The following PALD1 variants were observed in gnomAD, a reference collection of about 807,000 sequenced individuals.
The protein encoded by PALD1 is paladin.
In PALD1, 57 loss-of-function variants were observed where a neutral mutation model predicts 96.0. The observed-to-expected ratio is 0.59, with a 90% CI of 0.48 to 0.74. The LOEUF is 0.74. Ranked by LOEUF, PALD1 falls within the 30% of genes least tolerant of loss-of-function variation. The pLI, the probability that PALD1 is intolerant of heterozygous loss-of-function variation, is 0.00. For missense variants in PALD1, 1,063 were observed against 1,143.7 expected (o/e 0.93, Z 1.02); for synonymous variants, 464 against 473.6 (o/e 0.98, Z 0.26).
intron 1 of PALD1, among the ~76,000 whole-genome samples, chr10:70,497,806 A>G (rs908061287): frequency 6.6e-6 from 1 of 152,032 alleles, no homozygotes; most frequent in Admixed American, 6.6e-5. Flanking sequence ...TGATCTCCTG[A>G]CCTCGTGATC....
At chr10:70,468,531 A>G in the PALD1 span, among the ~76,000 whole-genome samples, 2 of 152,034 alleles carry the variant, frequency 1.3e-5, no homozygotes, top group African/African-American at 4.8e-5. Context: ...GGCTTGAGCT[A>G]CTGTGCCTGG....
chr10:70,530,133 G>A, intron 4 of PALD1, 65 bp downstream of exon 4: 1 of 1,389,838 alleles, frequency 7.2e-7, no homozygotes, highest in Non-Finnish European at 9.7e-7. Flanking sequence ...CACCTTGGAG[G>A]GGCAGCTTTA....
chr10:70,531,266 C>T lies in PALD1; in HGVS notation c.469-24C>T, dbSNP rs560010193. On this transcript the variant is annotated intron_variant, in intron 4 of 19. Transcript: ENST00000263563. Reference sequence around the variant, plus strand: ...CTGTGCGGGATCATGATGATGGCTTCCTTCCCCCTCGGGCTCCTGGCAGGA... The same window carrying T: ...CTGTGCGGGATCATGATGATGGCTTTCTTCCCCCTCGGGCTCCTGGCAGGA... 4.4e-6 allele frequency: 7 copies of T among 1,602,472 alleles called. No homozygotes were observed. The African/African-American group carries it at 9.4e-5, about 21-fold the overall frequency.
intron 1 of PALD1, among the ~76,000 whole-genome samples, chr10:70,497,856 G>T (rs565438599): frequency 3.3e-5 from 5 of 152,222 alleles, no homozygotes; most frequent in South Asian, 4.1e-4. Flanking sequence ...ATTATAGGCG[G>T]GAGCCATGTG....
chr10:70,501,834 T>TGTGTGTGTGTGTGTGTGTGCGCGC (rs774868338), intron 1 of PALD1, among the ~76,000 whole-genome samples: 7 of 149,382 alleles, frequency 4.7e-5, no homozygotes, highest in South Asian at 2.1e-4. Context: ...TGTGTGTGTG[T>TGTGTGTGTGTGTGTGTGTGCGCGC]GCGTGCGTGC....
In PALD1 at chr10:70,539,558, C is replaced by T. The variant is rs766930800; in HGVS notation, c.1726-22C>T. On this transcript the variant is annotated intron_variant, in intron 14 of 19. Transcript: ENST00000263563. The surrounding 1 kb of genome is among the most constrained non-coding windows in gnomAD (Gnocchi z 4.5). ...TAGAGCCTGCCCCAGTGGCCTGTGTCCTCCCTCCTGCCCTTGCCCAGACCC... is the reference window on the plus strand; with the variant it reads ...TAGAGCCTGCCCCAGTGGCCTGTGTTCTCCCTCCTGCCCTTGCCCAGACCC... The T allele has an allele frequency of 3.0e-5, 48 of 1,580,654 alleles. No homozygotes were observed. The highest frequency in any genetic ancestry group is 3.9e-5 in the Non-Finnish European group (45 of 1,161,700).
chr10:70,507,741 T>TTGTG (rs1396668064), intron 1 of PALD1, among the ~76,000 whole-genome samples: 9 of 127,384 alleles, frequency 7.1e-5, no homozygotes, highest in South Asian at 2.8e-4. Context: ...TTTGTATGTT[T>TTGTG]TGTGTGTGCG....
chr10:70,534,600 C>T (rs983129233), intron 9 of PALD1, 76 bp downstream of exon 9: 45 of 1,223,736 alleles, frequency 3.7e-5, no homozygotes, highest in Non-Finnish European at 5.1e-5. Flanking sequence ...TCGGGGCTCT[C>T]TTCCTTCCCG....
Position 70,540,237 on chromosome 10 carries a change from G to C in PALD1, c.1908+475G>C, listed in dbSNP as rs556162416. 6.6e-6 allele frequency among the ~76,000 whole-genome samples: 1 copy of C among 151,640 alleles called. No homozygotes were observed. The highest frequency in any genetic ancestry group is 1.5e-5 in the Non-Finnish European group (1 of 67,838). Reference sequence around the variant, plus strand: ...CATGTCCAGGGTGTCCGTGGTGTGTGTGTCTCAGTTGGGGGACTGTGTATG... The same window carrying C: ...CATGTCCAGGGTGTCCGTGGTGTGTCTGTCTCAGTTGGGGGACTGTGTATG... On this transcript the variant is annotated intron_variant, in intron 15 of 19. Transcript: ENST00000263563. This position sits in a 1 kb window ranked among gnomAD's most constrained non-coding sequence, Gnocchi z 4.2.
In PALD1 at chr10:70,538,405, C is replaced by T. The variant is rs1480762251; in HGVS notation, c.1449C>T (p.Ser483=). 6.2e-7 allele frequency: 1 copy of T among 1,611,496 alleles called. No homozygotes were observed. Among genetic ancestry groups the T allele is most frequent in the Non-Finnish European group, 8.5e-7 (1 of 1,179,880 alleles). Residue 483 remains serine, a synonymous_variant, in exon 12 of 20, where the codon TCC becomes TCT. Transcript: ENST00000263563. ...CGAGGGACCTCATCGCCAGGGGCTC[C>T]CTAGTGAGTATGACTGGCAGTCGGA... ...VAPRDLIARG[S]LREDDLVSPD...
rs201680961 is a variant in PALD1, at chr10:70,526,044, C to T, written c.93C>T (p.His31=). 1.3e-4 allele frequency: 209 copies of T among 1,614,178 alleles called. 1 individual carries two copies. The East Asian group carries it at 4.5e-3, about 35-fold the overall frequency. ...LQGSGTMDSR[H]SVSIHSFQST... is the part of the protein sequence containing the mutation. ...GCAGTGGCACGATGGACAGTCGGCA[C>T]TCCGTCAGCATCCACTCCTTCCAGA... The change falls in exon 2 of 20, where the codon CAC becomes CAT. Residue 31 remains histidine, a synonymous_variant. Coordinates refer to ENST00000263563, the MANE Select transcript of PALD1 (RefSeq NM_014431.3).
intron 1 of PALD1, among the ~76,000 whole-genome samples, chr10:70,481,110 C>T (rs1209183092): frequency 2.0e-5 from 3 of 152,202 alleles, no homozygotes; most frequent in African/African-American, 7.2e-5. Context: ...CAGCAGAGCA[C>T]AGACGGGGAT....
chr10:70,559,667 A>G (rs1847696116), intron 18 of PALD1, among the ~76,000 whole-genome samples: 1 of 151,970 alleles, frequency 6.6e-6, no homozygotes, highest in African/African-American at 2.4e-5. Context: ...AGAAGGGCGA[A>G]GTGAAGGAGG....
the PALD1 span, among the ~76,000 whole-genome samples, chr10:70,465,054 A>G: frequency 7.5e-4 from 114 of 151,746 alleles, no homozygotes; most frequent in African/African-American, 2.6e-3. Context: ...GGCTCACTGC[A>G]AGCTCCACCT....
chr10:70,489,522 T>C (rs2132267993), intron 1 of PALD1, among the ~76,000 whole-genome samples: 1 of 152,256 alleles, frequency 6.6e-6, no homozygotes, highest in Non-Finnish European at 1.5e-5. Context: ...GTCTTGTGAC[T>C]TGGGGTCTCA....
At chr10:70,547,540 G>C in intron 18 of PALD1, 94 bp downstream of exon 18, 2 of 888,870 alleles carry the variant, frequency 2.3e-6, no homozygotes, top group Non-Finnish European at 3.3e-6. Context: ...GGGGTTGCTA[G>C]GGGTCCTAGG....
At chr10:70,490,069 C>T (rs190682406) in intron 1 of PALD1, among the ~76,000 whole-genome samples, 8 of 152,230 alleles carry the variant, frequency 5.3e-5, no homozygotes, top group Non-Finnish European at 7.4e-5. Context: ...ATCACAGGCA[C>T]CTGCCACCAT....
chr10:70,522,978 C>G lies in PALD1; in HGVS notation c.-29-2945C>G, dbSNP rs143447414. ...AGGCCCCACGCTGGTGAGGTTCTTT[C>G]TGGCAGAGTTGAGAGAGATTTCAGG... On this transcript the variant is annotated intron_variant, in intron 1 of 19. Transcript: ENST00000263563. Among the ~76,000 whole-genome samples, 1,062 of 152,244 alleles carry G rather than the reference C, an allele frequency of 7.0e-3. 12 individuals carry two copies. Among genetic ancestry groups the G allele is most frequent in the South Asian group, 0.039 (188 of 4,824 alleles).
intron 1 of PALD1, among the ~76,000 whole-genome samples, chr10:70,524,447 G>A (rs1846812061): frequency 6.6e-6 from 1 of 152,152 alleles, no homozygotes; most frequent in Non-Finnish European, 1.5e-5. Context: ...CTTAAAAGAT[G>A]TCCCAGCCAT....
Sources: gnomAD v4.1 joint callset for allele counts (sites outside exome capture counted in the v4.1 genomes callset) on GRCh38, gnomAD v4.1.1 for gene constraint, Gnocchi (gnomAD v3.1) non-coding constraint, MANE v1.5 for transcripts, NCBI Gene and HGNC (gene_info 2026-07-23, HGNC 2026-07-21) for gene names.